Variants in RFX3 observed in about 807,000 individuals in gnomAD.
The protein encoded by RFX3 is regulatory factor X3.
In RFX3, 14 loss-of-function variants were observed where a neutral mutation model predicts 98.6. That is an observed-to-expected ratio of 0.14 (90% CI 0.09 to 0.22). The LOEUF is 0.22. Among genes scored for constraint, RFX3 ranks in the 10% least tolerant of loss-of-function variants. The pLI is 1.00. For missense variants in RFX3, 639 were observed against 926.9 expected, an observed-to-expected ratio of 0.69 and a Z score of 4.03; for synonymous variants, 383 against 328.4, an observed-to-expected ratio of 1.17 and a Z score of -1.80.
chr9:3,472,240 G>C (rs1181517232), intron 1 of RFX3, among the ~76,000 whole-genome samples: 1 of 152,122 alleles, frequency 6.6e-6, no homozygotes, highest in African/African-American at 2.4e-5. Context: ...GGATATTAAG[G>C]TGTAAAGCAG....
At chr9:3,385,196 G>A (rs138628241) in intron 2 of RFX3, among the ~76,000 whole-genome samples, 1 of 152,140 alleles carries the variant, frequency 6.6e-6, no homozygotes, top group African/African-American at 2.4e-5. Flanking sequence ...TGTAAGTACA[G>A]GTGCCAGTTA....
chr9:3,337,515 G>C (rs187265101), intron 3 of RFX3, among the ~76,000 whole-genome samples: 57 of 152,274 alleles, frequency 3.7e-4, no homozygotes, highest in African/African-American at 1.3e-3. Context: ...AAGGAGCTAG[G>C]GGCACAAAGC....
Position 3,348,614 on chromosome 9 carries a change from A to T in RFX3, c.118-1850T>A, listed in dbSNP as rs1794443695. Among the ~76,000 whole-genome samples, 3 of 152,120 alleles carry T rather than the reference A, an allele frequency of 2.0e-5. No homozygotes were observed. In the South Asian group the frequency reaches 6.2e-4, roughly 32 times the overall value. Reference sequence around the variant, plus strand: ...GAAATAAAGTTTTTATGGGAAAAATAGGATAAGTACATGATTCTTTTTATA... The same window carrying T: ...GAAATAAAGTTTTTATGGGAAAAATTGGATAAGTACATGATTCTTTTTATA... On this transcript the variant is annotated intron_variant, in intron 2 of 16. Transcript: ENST00000617270.
At chr9:3,315,919 G>C (rs1037896867) in intron 4 of RFX3, among the ~76,000 whole-genome samples, 4 of 152,176 alleles carry the variant, frequency 2.6e-5, no homozygotes, top group Non-Finnish European at 4.4e-5. Context: ...GGACCAGACA[G>C]AGTCACAGCC....
At chr9:3,423,904 C>G (rs925830501) in intron 1 of RFX3, among the ~76,000 whole-genome samples, 1 of 150,450 alleles carries the variant, frequency 6.6e-6, no homozygotes, top group African/African-American at 2.4e-5. Context: ...TCCCAGCACT[C>G]TGGGAGGCCG....
chr9:3,462,627 T>A (rs1336713394), intron 1 of RFX3, among the ~76,000 whole-genome samples: 1 of 152,090 alleles, frequency 6.6e-6, no homozygotes, highest in African/African-American at 2.4e-5. Context: ...CATGATTGTC[T>A]ATGCAGAACA....
intron 1 of RFX3, among the ~76,000 whole-genome samples, chr9:3,519,246 G>A (rs1818468281): frequency 6.6e-6 from 1 of 152,040 alleles, no homozygotes; most frequent in Admixed American, 6.6e-5. Context: ...ACATAACTTT[G>A]GGCTAGCATT....
At chr9:3,439,164 C>T (rs907112582) in intron 1 of RFX3, among the ~76,000 whole-genome samples, 6 of 151,456 alleles carry the variant, frequency 4.0e-5, no homozygotes, top group Non-Finnish European at 7.4e-5. Context: ...TTGTAGTAAG[C>T]CACTAAAACA....
intron 1 of RFX3, among the ~76,000 whole-genome samples, chr9:3,486,128 CAAAAAAAAAAA>C (rs772747349): frequency 2.4e-4 from 12 of 49,154 alleles, no homozygotes; most frequent in Non-Finnish European, 4.4e-4. Context: ...TGTCTCAAAC[CAAAAAAAAAAA>C]AAAAAAAAAA....
intron 14 of RFX3, among the ~76,000 whole-genome samples, chr9:3,250,409 T>C (rs1821227853): frequency 6.6e-6 from 1 of 151,854 alleles, no homozygotes; most frequent in East Asian, 1.9e-4. Flanking sequence ...GAAATGAAAA[T>C]TAAAGTAAGA....
Position 3,224,133 on chromosome 9 carries a change from C to T in RFX3, c.*909G>A, listed in dbSNP as rs1219877059. On this transcript the variant is annotated 3_prime_UTR_variant, in exon 17 of 17. Transcript: ENST00000617270. The stretch of plus-strand genomic sequence containing the variant: ...AAAGTCATCCAAATGGAATGGTTTC[C>T]TGTATGTCCAGCTCAGCATAAGTAG... The T allele has an allele frequency of 6.6e-6, 1 of 151,832 alleles. No homozygotes were observed. Among genetic ancestry groups the T allele is most frequent in the Non-Finnish European group, 1.5e-5 (1 of 67,952 alleles). The allele number at this position is 151,832 out of a possible 1,614,324, so 9.4% of individuals were successfully genotyped here. A position where few individuals can be genotyped will look rare whatever the true frequency, so the allele number is the denominator to read the frequency against.
chr9:3,441,402 C>T (rs1845599603), intron 1 of RFX3, among the ~76,000 whole-genome samples: 1 of 151,846 alleles, frequency 6.6e-6, no homozygotes, highest in African/African-American at 2.4e-5. Flanking sequence ...ACAGTGACAC[C>T]CTGTGGCAAC....
intron 7 of RFX3, among the ~76,000 whole-genome samples, chr9:3,279,688 T>C (rs1193394199): frequency 6.6e-6 from 1 of 151,872 alleles, no homozygotes; most frequent in East Asian, 1.9e-4. Context: ...CTGCGCACAA[T>C]GCTTAGGAAT....
At chr9:3,461,907 A>C (rs544630164) in intron 1 of RFX3, among the ~76,000 whole-genome samples, 1 of 152,098 alleles carries the variant, frequency 6.6e-6, no homozygotes, top group South Asian at 2.1e-4. Context: ...TTTGGAGAAC[A>C]TCTGAAAGGG....
chr9:3,376,726 T>C (rs1838546799), intron 2 of RFX3, among the ~76,000 whole-genome samples: 1 of 151,944 alleles, frequency 6.6e-6, no homozygotes, highest in Non-Finnish European at 1.5e-5. Flanking sequence ...GAATCTACAA[T>C]GAACTCAAAC....
chr9:3,330,960 C>T (rs914910170), intron 3 of RFX3, among the ~76,000 whole-genome samples: 1 of 152,150 alleles, frequency 6.6e-6, no homozygotes, highest in Non-Finnish European at 1.5e-5. Flanking sequence ...TGGGTGACAT[C>T]CAATAAACCT....
At chr9:3,496,174 G>T (rs1403221674) in intron 1 of RFX3, among the ~76,000 whole-genome samples, 2 of 151,860 alleles carry the variant, frequency 1.3e-5, no homozygotes, top group African/African-American at 4.8e-5. Context: ...TTAAAGACAG[G>T]CTATTTAATA....
At chr9:3,442,461 G>C (rs1379934582) in intron 1 of RFX3, among the ~76,000 whole-genome samples, 1 of 151,934 alleles carries the variant, frequency 6.6e-6, no homozygotes, top group Non-Finnish European at 1.5e-5. Context: ...AATAAGGGAA[G>C]ACAGAAAAGC....
At chr9:3,395,626 T>C (rs764139371) in intron 1 of RFX3, 30 bp from the exon 2 acceptor site, 5 of 1,608,198 alleles carry the variant, frequency 3.1e-6, no homozygotes, top group Non-Finnish European at 4.3e-6. Context: ...AATTAAAGTT[T>C]AAAATGTCAC....
Sources: allele counts gnomAD v4.1 joint callset (sites outside exome capture counted in the v4.1 genomes callset), GRCh38; gene constraint gnomAD v4.1.1; transcripts MANE v1.5; gene names NCBI Gene and HGNC (gene_info 2026-07-23, HGNC 2026-07-21).